NRG1: variants seen among roughly 807,000 people sequenced by gnomAD.
NRG1 encodes the protein pro-neuregulin-1, membrane-bound isoform.
NRG1 carries 18 observed loss-of-function variants against 63.8 expected under a neutral mutation model. That is an observed-to-expected ratio of 0.28 (90% CI 0.19 to 0.42). The LOEUF (loss-of-function observed/expected upper bound fraction) is 0.42. Among genes scored for constraint, NRG1 ranks in the 10% least tolerant of loss-of-function variants. The pLI, the probability that NRG1 is intolerant of heterozygous loss-of-function variation, is 1.00. For synonymous variants in NRG1, 302 were observed against 301.3 expected (o/e 1.00, Z -0.02); for missense variants, 762 against 814.7 (o/e 0.94, Z 0.79).
chr8:31,712,021 C>T (rs530683709), intron 1 of NRG1, among the ~76,000 whole-genome samples: 76 of 152,062 alleles, frequency 5.0e-4, no homozygotes, highest in Non-Finnish European at 8.4e-4. Context: ...ACTCCAAATA[C>T]GTTTGTTGTA....
At chr8:32,299,679 T>C (rs370758702) in intron 1 of NRG1, among the ~76,000 whole-genome samples, 1 of 152,128 alleles carries the variant, frequency 6.6e-6, no homozygotes, top group Non-Finnish European at 1.5e-5. Context: ...CTCACAATTA[T>C]GGTAGAAAGC....
At chr8:32,662,685 T>C (rs1223996723) in intron 5 of NRG1, among the ~76,000 whole-genome samples, 2 of 152,174 alleles carry the variant, frequency 1.3e-5, no homozygotes, top group Non-Finnish European at 2.9e-5. Flanking sequence ...AGATTCTGAA[T>C]ATATTTTGAA....
intron 1 of NRG1, among the ~76,000 whole-genome samples, chr8:31,773,446 T>TC (rs1223968923): frequency 5.3e-5 from 8 of 152,172 alleles, no homozygotes; most frequent in African/African-American, 1.9e-4. Context: ...AAGAAAACTG[T>TC]CAAAATATGT....
At chr8:32,711,176 T>C (rs72634897) in intron 5 of NRG1, among the ~76,000 whole-genome samples, 3,949 of 152,086 alleles carry the variant, frequency 0.026, 62 homozygotes, top group Non-Finnish European at 0.04. Flanking sequence ...AATTCCTCTT[T>C]ATTATTTTGA....
At chr8:32,714,968 A>G (rs1478690436) in intron 5 of NRG1, among the ~76,000 whole-genome samples, 3 of 152,194 alleles carry the variant, frequency 2.0e-5, no homozygotes, top group African/African-American at 4.8e-5. Flanking sequence ...TGAAGGGCCA[A>G]TGAAGGATTG....
intron 1 of NRG1, among the ~76,000 whole-genome samples, chr8:32,009,039 C>A (rs1814281673): frequency 6.6e-6 from 1 of 152,044 alleles, no homozygotes; most frequent in Non-Finnish European, 1.5e-5. Flanking sequence ...TTGATGACTT[C>A]CAGGTCTAAA....
intron 1 of NRG1, among the ~76,000 whole-genome samples, chr8:31,700,489 A>G (rs1407961931): frequency 1.3e-5 from 2 of 152,206 alleles, no homozygotes; most frequent in Non-Finnish European, 2.9e-5. Context: ...GCTGCTGAAC[A>G]GCTGTTTGTT....
At chr8:32,539,031 C>T (rs1022798481) in intron 1 of NRG1, among the ~76,000 whole-genome samples, 4 of 151,988 alleles carry the variant, frequency 2.6e-5, no homozygotes, top group Admixed American at 2.6e-4. Context: ...GAAGAAAATT[C>T]CAAGTGGTAA....
intron 1 of NRG1, among the ~76,000 whole-genome samples, chr8:32,309,675 G>A (rs1278456227): frequency 6.6e-6 from 1 of 152,174 alleles, no homozygotes; most frequent in East Asian, 1.9e-4. Context: ...GCAGTATGGT[G>A]GACTTCCTCC....
intron 1 of NRG1, among the ~76,000 whole-genome samples, chr8:32,570,357 G>T (rs927357771): frequency 6.6e-6 from 1 of 152,060 alleles, no homozygotes; most frequent in African/African-American, 2.4e-5. Flanking sequence ...TGTACATTGT[G>T]CTAGGTTCTG....
chr8:32,022,517 A>G (rs1816612787), intron 1 of NRG1, among the ~76,000 whole-genome samples: 1 of 152,200 alleles, frequency 6.6e-6, no homozygotes, highest in Admixed American at 6.5e-5. Context: ...AGTGGTCTAG[A>G]GTATATTCAA....
At chr8:32,372,763 G>T (rs1809082951) in intron 1 of NRG1, among the ~76,000 whole-genome samples, 1 of 152,178 alleles carries the variant, frequency 6.6e-6, no homozygotes, top group South Asian at 2.1e-4. Context: ...CCTCCAGACA[G>T]TGTGGATTAT....
intron 3 of NRG1, among the ~76,000 whole-genome samples, chr8:32,610,182 G>C (rs1468194330): frequency 6.6e-6 from 1 of 151,974 alleles, no homozygotes; most frequent in African/African-American, 2.4e-5. Context: ...TTCTATACAG[G>C]TTTCCTTGAT....
chr8:31,776,928 A>G (rs1819205966), intron 1 of NRG1, among the ~76,000 whole-genome samples: 1 of 152,168 alleles, frequency 6.6e-6, no homozygotes, highest in South Asian at 2.1e-4. Flanking sequence ...GAGAAATAGG[A>G]ACACTTTTAC....
chr8:32,560,603 C>T (rs1836206663), intron 1 of NRG1, among the ~76,000 whole-genome samples: 1 of 152,178 alleles, frequency 6.6e-6, no homozygotes. Context: ...GAGTGCAATT[C>T]AGCAGTATCA....
intron 1 of NRG1, among the ~76,000 whole-genome samples, chr8:32,519,603 T>C (rs1185379147): frequency 2.0e-5 from 3 of 152,134 alleles, no homozygotes; most frequent in Non-Finnish European, 4.4e-5. Context: ...AAACTAACAA[T>C]AATGTCACAC....
intron 1 of NRG1, among the ~76,000 whole-genome samples, chr8:31,947,532 T>G (rs1677543650): frequency 6.6e-6 from 1 of 152,148 alleles, no homozygotes; most frequent in African/African-American, 2.4e-5. Flanking sequence ...AAAATACATT[T>G]GAACTCTGTT....
intron 1 of NRG1, among the ~76,000 whole-genome samples, chr8:31,946,552 G>T (rs1241324187): frequency 6.6e-6 from 1 of 152,188 alleles, no homozygotes; most frequent in Non-Finnish European, 1.5e-5. Context: ...AAGAACCATA[G>T]CTGTACTTAG....
At chr8:32,263,129 T>G (rs1396451101) in intron 1 of NRG1, among the ~76,000 whole-genome samples, 1 of 152,156 alleles carries the variant, frequency 6.6e-6, no homozygotes, top group Non-Finnish European at 1.5e-5. Flanking sequence ...AGATGTTTGG[T>G]AAATATGTAT....
Sources: allele counts gnomAD v4.1 joint callset (sites outside exome capture counted in the v4.1 genomes callset), GRCh38; gene constraint gnomAD v4.1.1; transcripts MANE v1.5; gene names NCBI Gene and HGNC (gene_info 2026-07-23, HGNC 2026-07-21).